Variants in PALLD observed in about 807,000 individuals in gnomAD.
PALLD encodes the protein palladin.
A neutral mutation model predicts 123.5 loss-of-function variants in PALLD; 61 were observed. That is an observed-to-expected ratio of 0.49 (90% CI 0.40 to 0.61). The LOEUF (loss-of-function observed/expected upper bound fraction) is 0.61, where lower values mean the gene tolerates loss of function less well. Among genes scored for constraint, PALLD ranks in the 20% least tolerant of loss-of-function variants. PALLD has a pLI of 0.00. For missense variants in PALLD, 1,273 were observed against 1,377.0 expected, an observed-to-expected ratio of 0.92 and a Z score of 1.20; for synonymous variants, 465 against 496.4, an observed-to-expected ratio of 0.94 and a Z score of 0.84.
chr4:168,719,488 C>G (rs1013197462), intron 10 of PALLD, among the ~76,000 whole-genome samples: 39 of 152,064 alleles, frequency 2.6e-4, no homozygotes, highest in East Asian at 5.8e-4. Context: ...TTGAACTCCT[C>G]ACCTCAGGTG....
intron 1 of PALLD, among the ~76,000 whole-genome samples, chr4:168,501,507 G>A (rs575144628): frequency 2.2e-4 from 34 of 152,318 alleles, no homozygotes; most frequent in African/African-American, 7.9e-4. Flanking sequence ...CTTAGGATAA[G>A]CCAAGATGCT....
At chr4:168,552,370 A>G (rs1398031603) in intron 2 of PALLD, among the ~76,000 whole-genome samples, 1 of 152,120 alleles carries the variant, frequency 6.6e-6, no homozygotes, top group Non-Finnish European at 1.5e-5. Context: ...GGAAGTATGA[A>G]GTGATATTTT....
chr4:168,927,540 A>G lies in PALLD; in HGVS notation c.*1360A>G, dbSNP rs1292408649. ...AGAAATTGCCTGTAGCATCTAGTCT[A>G]CTTGAAGGAAGTGGAGACATAAGGA... On this transcript the variant is annotated 3_prime_UTR_variant, in exon 22 of 22. Coordinates refer to ENST00000505667, the MANE Select transcript of PALLD (RefSeq NM_001166108.2). 3 of 230,952 alleles carry G rather than the reference A, an allele frequency of 1.3e-5. No individual in the cohort carries two copies. The highest frequency in any genetic ancestry group is 4.4e-5 in the African/African-American group (2 of 45,250). The allele number at this position is 230,952 out of a possible 1,614,324, so 14.3% of individuals were successfully genotyped here. A position where few individuals can be genotyped will look rare whatever the true frequency, so the allele number is the denominator to read the frequency against.
In PALLD at chr4:168,784,982, G is replaced by T. The variant is rs115271949; in HGVS notation, c.1964+73059G>T. On this transcript the variant is annotated intron_variant, in intron 10 of 21. Coordinates refer to ENST00000505667, the MANE Select transcript of PALLD (RefSeq NM_001166108.2). The stretch of plus-strand genomic sequence containing the variant: ...GCTGGTCTGAGGAATGCTTCTGGTT[G>T]TGGGTACATTCCAGCCCAGGGTGGT... Among the ~76,000 whole-genome samples, 974 of 150,690 alleles carry T rather than the reference G, an allele frequency of 6.5e-3. 6 individuals are homozygous for T. The highest frequency in any genetic ancestry group is 0.035 in the Middle Eastern group (10 of 288).
chr4:168,594,010 A>T (rs1427170690), intron 2 of PALLD, among the ~76,000 whole-genome samples: 1 of 152,294 alleles, frequency 6.6e-6, no homozygotes, highest in East Asian at 1.9e-4. Flanking sequence ...ACAGCCTTGG[A>T]TGTTAATGGC....
intron 2 of PALLD, among the ~76,000 whole-genome samples, chr4:168,579,993 T>C (rs1770069303): frequency 6.6e-6 from 1 of 152,062 alleles, no homozygotes; most frequent in South Asian, 2.1e-4. Flanking sequence ...AATTTATTCG[T>C]CCTGAAACTT....
chr4:168,519,699 A>C (rs185711857), intron 2 of PALLD, among the ~76,000 whole-genome samples: 58 of 151,344 alleles, frequency 3.8e-4, no homozygotes, highest in Middle Eastern at 3.4e-3. Flanking sequence ...CACACACACT[A>C]TGGACCTGGT....
intron 10 of PALLD, among the ~76,000 whole-genome samples, chr4:168,715,454 A>G (rs1157649171): frequency 6.6e-6 from 1 of 152,252 alleles, no homozygotes; most frequent in Non-Finnish European, 1.5e-5. Flanking sequence ...ACAATCTTCA[A>G]TCACATCATG....
At chr4:168,912,699 C>G (rs1203758592) in intron 15 of PALLD, among the ~76,000 whole-genome samples, 2 of 152,152 alleles carry the variant, frequency 1.3e-5, no homozygotes, top group African/African-American at 4.8e-5. Context: ...ATTAGCATAT[C>G]TGTCACCTCA....
intron 17 of PALLD, among the ~76,000 whole-genome samples, chr4:168,918,537 A>G (rs1017925838): frequency 2.0e-5 from 3 of 152,132 alleles, no homozygotes; most frequent in South Asian, 4.1e-4. Context: ...AGACGGGGAG[A>G]GGGAAAGTTG....
chr4:168,848,497 C>T (rs1747248154), intron 10 of PALLD, among the ~76,000 whole-genome samples: 1 of 148,092 alleles, frequency 6.8e-6, no homozygotes, highest in South Asian at 2.2e-4. Context: ...TAAAAGAAGG[C>T]TTCTCACACC....
At chr4:168,724,412 T>C (rs1786339967) in intron 10 of PALLD, among the ~76,000 whole-genome samples, 1 of 152,230 alleles carries the variant, frequency 6.6e-6, no homozygotes, top group African/African-American at 2.4e-5. Flanking sequence ...TTTATTTTAA[T>C]TGGTTTCTAT....
In PALLD at chr4:168,516,495, T is replaced by G. The variant is rs549560983; in HGVS notation, c.908+4083T>G. 5.3e-5 allele frequency among the ~76,000 whole-genome samples: 8 copies of G among 152,312 alleles called. No individual in the cohort carries two copies. In the South Asian group the frequency reaches 1.7e-3, roughly 32 times the overall value. On this transcript the variant is annotated intron_variant, in intron 2 of 21. Coordinates refer to ENST00000505667, the MANE Select transcript of PALLD (RefSeq NM_001166108.2). The stretch of plus-strand genomic sequence containing the variant: ...TTTTTAAAGGTATTATTTATTTATT[T>G]TAAAGGTATTTATACCTTTAAAAAT...
At chr4:168,593,440 A>AAAAAG (rs1554047282) in intron 2 of PALLD, among the ~76,000 whole-genome samples, 20 of 140,896 alleles carry the variant, frequency 1.4e-4, no homozygotes, top group African/African-American at 4.7e-4. Context: ...ACCAGGCAAA[A>AAAAAG]AAAAAAGAAA....
intron 10 of PALLD, among the ~76,000 whole-genome samples, chr4:168,757,854 C>G (rs904869545): frequency 1.3e-5 from 2 of 152,180 alleles, no homozygotes; most frequent in African/African-American, 4.8e-5. Flanking sequence ...GGAGGATCAC[C>G]CGAGGTCAGG....
intron 2 of PALLD, among the ~76,000 whole-genome samples, chr4:168,599,886 C>G (rs910638013): frequency 3.5e-5 from 5 of 141,010 alleles, no homozygotes; most frequent in African/African-American, 1.5e-4. Context: ...TAAAACAGTG[C>G]ATGTGTGTGT....
chr4:168,733,019 C>T (rs1030139148), intron 10 of PALLD, among the ~76,000 whole-genome samples: 1 of 152,050 alleles, frequency 6.6e-6, no homozygotes, highest in Admixed American at 6.5e-5. Context: ...ATGTTTAGGA[C>T]TCATGTAAGC....
At chr4:168,536,335 G>A (rs1318319072) in intron 2 of PALLD, among the ~76,000 whole-genome samples, 1 of 152,180 alleles carries the variant, frequency 6.6e-6, no homozygotes, top group East Asian at 1.9e-4. Flanking sequence ...CCTCTGTTTA[G>A]GATAAAGGTC....
Position 168,497,199 on chromosome 4 carries a change from G to T in PALLD, c.-83+5G>T, listed in dbSNP as rs939449283. The T allele has an allele frequency of 1.3e-5, 2 of 151,686 alleles. No homozygotes were observed. Among genetic ancestry groups the T allele is most frequent in the South Asian group, 2.1e-4 (1 of 4,814 alleles). The allele number at this position is 151,686 out of a possible 1,614,324, so 9.4% of individuals were successfully genotyped here. A position where few individuals can be genotyped will look rare whatever the true frequency, so the allele number is the denominator to read the frequency against. On this transcript the variant is annotated splice_donor_5th_base_variant and intron_variant, in intron 1 of 21. Coordinates refer to ENST00000505667, the MANE Select transcript of PALLD (RefSeq NM_001166108.2). ...AACTGACCAAGCATTGAAAAGGTCTGTAAGGTGTATCTTAATATACTAACT... is the reference window on the plus strand; with the variant it reads ...AACTGACCAAGCATTGAAAAGGTCTTTAAGGTGTATCTTAATATACTAACT...
Sources: gnomAD v4.1 joint callset for allele counts (sites outside exome capture counted in the v4.1 genomes callset) on GRCh38, gnomAD v4.1.1 for gene constraint, MANE v1.5 for transcripts, NCBI Gene and HGNC (gene_info 2026-07-23, HGNC 2026-07-21) for gene names.